CLPTM1: variants seen among roughly 807,000 people sequenced by gnomAD.
CLPTM1 encodes CLPTM1 regulator of GABA type A receptor forward trafficking.
Under a neutral mutation model 77.3 loss-of-function variants are expected in CLPTM1, and 21 were observed. The ratio of observed to expected loss-of-function variants is 0.27; its 90% CI spans 0.19 to 0.39. The LOEUF is 0.39. Among genes scored for constraint, CLPTM1 ranks in the 10% least tolerant of loss-of-function variants. The pLI is 1.00. For missense variants in CLPTM1, 642 were observed against 921.2 expected, an observed-to-expected ratio of 0.70 and a Z score of 3.92; for synonymous variants, 373 against 381.0, an observed-to-expected ratio of 0.98 and a Z score of 0.24.
chr19:44,955,411 G>C lies in CLPTM1; in HGVS notation c.16G>C (p.Glu6Gln), dbSNP rs1970444967. Reference protein sequence around the residue: MAAAQEADGARSAVVA... With the variant: MAAAQQADGARSAVVA... ...GAGCGGGAAGATGGCGGCGGCGCAGGAGGCGGACGGGGCCCGCAGCGCCGT... is the reference window on the plus strand; with the variant it reads ...GAGCGGGAAGATGGCGGCGGCGCAGCAGGCGGACGGGGCCCGCAGCGCCGT... The change falls in exon 1 of 14, where the codon GAG (glutamate) becomes CAG (glutamine). Residue 6 changes from glutamate to glutamine, a missense_variant. This residue lies in a region of CLPTM1 where 121 missense variants were observed against 120.8 expected (regional missense o/e 1.00). Coordinates refer to ENST00000337392, the MANE Select transcript of CLPTM1 (RefSeq NM_001294.4). 6.0e-6 allele frequency: 8 copies of C among 1,340,338 alleles called. No individual in the cohort carries two copies. Among genetic ancestry groups the C allele is most frequent in the Non-Finnish European group, 6.7e-6 (7 of 1,045,962 alleles). The allele number at this position is 1,340,338 out of a possible 1,614,324, so 83.0% of individuals were successfully genotyped here.
intron 3 of CLPTM1, 39 bp downstream of exon 3, chr19:44,973,249 G>A: frequency 6.2e-7 from 1 of 1,613,050 alleles, no homozygotes; most frequent in Non-Finnish European, 8.5e-7. Context: ...GGAGGTGATG[G>A]GGTGTGGAGG....
In CLPTM1 at chr19:44,986,318, G is replaced by C. The variant is rs754206833; in HGVS notation, c.673-137G>C. On this transcript the variant is annotated intron_variant, in intron 6 of 13. Coordinates refer to ENST00000337392, the MANE Select transcript of CLPTM1 (RefSeq NM_001294.4). ...ATTCGAGACCAGCTTGGGCAGCATAGTGAGACCCCATCTCAGAAAAAAAAG... is the reference window on the plus strand; with the variant it reads ...ATTCGAGACCAGCTTGGGCAGCATACTGAGACCCCATCTCAGAAAAAAAAG... The C allele has an allele frequency of 2.4e-4, 278 of 1,161,320 alleles. 1 individual carries two copies. The highest frequency in any genetic ancestry group is 8.5e-4 in the Admixed American group (37 of 43,422). The allele number at this position is 1,161,320 out of a possible 1,614,324, so 71.9% of individuals were successfully genotyped here.
chr19:44,992,271 A>G lies in CLPTM1; in HGVS notation c.1594A>G (p.Lys532Glu). ...TMTPQLFINYKLKSVAHLPWR... is the reference protein window; with the variant it reads ...TMTPQLFINYELKSVAHLPWR... Reference sequence around the variant, plus strand: ...GACGCCCCAGCTCTTCATCAACTACAAGCTCAAGTCTGTGGCCCACCTTCC... The same window carrying G: ...GACGCCCCAGCTCTTCATCAACTACGAGCTCAAGTCTGTGGCCCACCTTCC... The change falls in exon 13 of 14, where the codon AAG becomes GAG. Residue 532 changes from lysine to glutamate, a missense_variant. Lys to Glu is a moderately conservative substitution (Grantham distance 56). Around this residue, in one of 2 missense-constraint regions of CLPTM1, gnomAD observed 521 missense variants for 800.4 expected, o/e 0.65. Coordinates refer to ENST00000337392, the MANE Select transcript of CLPTM1 (RefSeq NM_001294.4). The surrounding 1 kb of genome is among the most constrained non-coding windows in gnomAD (Gnocchi z 7.7). The G allele has an allele frequency of 6.2e-7, 1 of 1,614,034 alleles. No individual in the cohort carries two copies. Among genetic ancestry groups the G allele is most frequent in the Non-Finnish European group, 8.5e-7 (1 of 1,179,972 alleles).
intron 1 of CLPTM1, among the ~76,000 whole-genome samples, chr19:44,960,315 A>G (rs1970525415): frequency 6.6e-6 from 1 of 152,032 alleles, no homozygotes; most frequent in Admixed American, 6.6e-5. Flanking sequence ...TCCATGTACC[A>G]TTTTTAATTA....
intron 2 of CLPTM1, among the ~76,000 whole-genome samples, chr19:44,968,314 C>T (rs147491548): frequency 8.8e-4 from 134 of 152,142 alleles, no homozygotes; most frequent in Non-Finnish European, 1.5e-3. Flanking sequence ...TTCTAGATAG[C>T]GGGTGGCGTC....
At position 44,991,468 on chromosome 19, in the gene CLPTM1, C is replaced by T; in HGVS notation, c.1555+95C>T. On this transcript the variant is annotated intron_variant, in intron 12 of 13. Transcript: ENST00000337392. The surrounding 1 kb of genome is among the most constrained non-coding windows in gnomAD (Gnocchi z 5.4). ...AGACAGACCCATCCCCAGACAGGGA[C>T]AACCTAGGGTGGGCAGAGCTGGGAT... is the stretch of plus-strand genomic sequence containing the variant. The T allele has an allele frequency of 2.0e-6, 3 of 1,490,838 alleles. No homozygotes were observed. Among genetic ancestry groups the T allele is most frequent in the South Asian group, 1.2e-5 (1 of 83,810 alleles). The allele number at this position is 1,490,838 out of a possible 1,614,324, so 92.4% of individuals were successfully genotyped here. A position where few individuals can be genotyped will look rare whatever the true frequency, so the allele number is the denominator to read the frequency against.
Position 44,993,314 on chromosome 19 carries a change from A to C in CLPTM1, c.*417A>C. 1 of 382,640 alleles carries C rather than the reference A, an allele frequency of 2.6e-6. No homozygotes were observed. Among genetic ancestry groups the C allele is most frequent in the Non-Finnish European group, 5.1e-6 (1 of 195,178 alleles). 23.7% of individuals were successfully genotyped at this position (382,640 alleles called of 1,614,324 possible). On this transcript the variant is annotated 3_prime_UTR_variant, in exon 14 of 14. Transcript: ENST00000337392. ...CTTTAACACAGTCTGGATTTAATAA[A>C]TTCATATGGGTGTTTAACTTAAACT...
Position 44,992,796 on chromosome 19 carries a change from G to A in CLPTM1, c.1909G>A (p.Ala637Thr). The change falls in exon 14 of 14, where the codon GCC (alanine) becomes ACC (threonine). Residue 637 changes from alanine to threonine, a missense_variant. Coordinates refer to ENST00000337392, the MANE Select transcript of CLPTM1 (RefSeq NM_001294.4). This position sits in a 1 kb window ranked among gnomAD's most constrained non-coding sequence, Gnocchi z 7.7. ...CACGACCACCGCCACCAGGGAGGAGGCCTCCACGTCCCTGCCCACCAAGCC... is the reference window on the plus strand; with the variant it reads ...CACGACCACCGCCACCAGGGAGGAGACCTCCACGTCCCTGCCCACCAAGCC... ...PTTTTATREE[A>T]STSLPTKPTQ... The A allele has an allele frequency of 3.1e-6, 5 of 1,613,192 alleles. No homozygotes were observed. Among genetic ancestry groups the A allele is most frequent in the Non-Finnish European group, 4.2e-6 (5 of 1,179,878 alleles).
rs1308589679 is a variant in CLPTM1 at position 44,988,128 on chromosome 19, G to A, written c.1087G>A (p.Val363Met). The A allele has an allele frequency of 1.2e-6, 2 of 1,614,112 alleles. No individual in the cohort carries two copies. The highest frequency in any genetic ancestry group is 1.7e-6 in the Non-Finnish European group (2 of 1,179,992). Reference protein sequence around the residue: ...NPYLLALTIIVSIVHSVFEFL... With the variant: ...NPYLLALTIIMSIVHSVFEFL... ...CTACCTGCTGGCGCTCACCATCATC[G>A]TGTCTATCGTTCACAGTGTCTTCGA... The change falls in exon 9 of 14, where the codon GTG becomes ATG. Residue 363 changes from valine (V) to methionine (M), a missense_variant. This residue lies in a region of CLPTM1 where 521 missense variants were observed against 800.4 expected (regional missense o/e 0.65). Transcript: ENST00000337392.
intron 2 of CLPTM1, among the ~76,000 whole-genome samples, chr19:44,971,955 A>G (rs1010403548): frequency 7.8e-6 from 1 of 127,792 alleles, no homozygotes; most frequent in Non-Finnish European, 1.6e-5. Context: ...ACTGCAACCT[A>G]CGCCTCCCGG....
chr19:44,988,919 G>C (rs566795803), intron 9 of CLPTM1, among the ~76,000 whole-genome samples: 9 of 152,132 alleles, frequency 5.9e-5, no homozygotes, highest in Non-Finnish European at 1.0e-4. Context: ...GGTGGCTCTC[G>C]CCTGTAATCC....
chr19:44,985,743 G>T (rs1007331703), intron 6 of CLPTM1, among the ~76,000 whole-genome samples: 1 of 152,094 alleles, frequency 6.6e-6, no homozygotes, highest in Non-Finnish European at 1.5e-5. Flanking sequence ...CTGGGGAGCC[G>T]GGCAGTTAAT....
chr19:44,954,762 T>G (rs1599999893), upstream of CLPTM1: 1 of 1,330,954 alleles, frequency 7.5e-7, no homozygotes, highest in Non-Finnish European at 9.7e-7. Flanking sequence ...GGCTTGGGGG[T>G]GTATCATAGG....
chr19:44,974,175 C>T (rs2122283003), intron 3 of CLPTM1, among the ~76,000 whole-genome samples: 2 of 152,248 alleles, frequency 1.3e-5, no homozygotes, highest in Middle Eastern at 6.8e-3. Flanking sequence ...GCTCCTGCCC[C>T]TTCCTACCCC....
At chr19:44,983,764 A>G (rs953253897) in intron 5 of CLPTM1, among the ~76,000 whole-genome samples, 1 of 151,990 alleles carries the variant, frequency 6.6e-6, no homozygotes, top group Non-Finnish European at 1.5e-5. Flanking sequence ...AGATTGAGAC[A>G]ATCCTGGCTA....
At chr19:44,980,869 G>C (rs1365889573) in intron 5 of CLPTM1, among the ~76,000 whole-genome samples, 1 of 150,736 alleles carries the variant, frequency 6.6e-6, no homozygotes, top group Non-Finnish European at 1.5e-5. Context: ...ATGAAGTCTT[G>C]CTCTGTTGCC....
At chr19:44,958,944 A>G (rs1970503664) in intron 1 of CLPTM1, among the ~76,000 whole-genome samples, 2 of 152,218 alleles carry the variant, frequency 1.3e-5, no homozygotes, top group Non-Finnish European at 2.9e-5. Flanking sequence ...ATTGGGCATA[A>G]TGGGTTTGAG....
rs1286372350 is a variant in CLPTM1, at chr19:44,991,042, T to G, written c.1419+97T>G. ...GGCCATCTGTCTGCCGGACCCATGC[T>G]TTACAGCCTGTGCCACATCCTCTGT... On this transcript the variant is annotated intron_variant, in intron 11 of 13. Coordinates refer to ENST00000337392, the MANE Select transcript of CLPTM1 (RefSeq NM_001294.4). This position sits in a 1 kb window ranked among gnomAD's most constrained non-coding sequence, Gnocchi z 5.4. The G allele has an allele frequency of 1.2e-5, 16 of 1,323,698 alleles. No individual in the cohort carries two copies. Among genetic ancestry groups the G allele is most frequent in the Non-Finnish European group, 2.1e-6 (2 of 936,504 alleles). The allele number at this position is 1,323,698 out of a possible 1,614,324, so 82.0% of individuals were successfully genotyped here. A position where few individuals can be genotyped will look rare whatever the true frequency, so the allele number is the denominator to read the frequency against.
chr19:44,980,448 G>T (rs1169029351), intron 5 of CLPTM1, among the ~76,000 whole-genome samples: 1 of 148,788 alleles, frequency 6.7e-6, no homozygotes, highest in Non-Finnish European at 1.5e-5. Context: ...GGCGGAGATT[G>T]CAGTGAGCCG....
Sources: allele counts gnomAD v4.1 joint callset (sites outside exome capture counted in the v4.1 genomes callset), GRCh38; gene constraint gnomAD v4.1.1; regional missense constraint gnomAD v4.1.1; non-coding constraint Gnocchi (gnomAD v3.1); transcripts MANE v1.5; gene names NCBI Gene and HGNC (gene_info 2026-07-23, HGNC 2026-07-21).